FGFR1OP2: variants seen among roughly 807,000 people sequenced by gnomAD.
The protein encoded by FGFR1OP2 is fibroblast growth factor receptor 1 oncogene partner 2.
FGFR1OP2 carries 17 observed loss-of-function variants against 35.2 expected under a neutral mutation model. That is an observed-to-expected ratio of 0.48 (90% confidence interval 0.33 to 0.73). The LOEUF (loss-of-function observed/expected upper bound fraction) is 0.73. Among genes scored for constraint, FGFR1OP2 ranks in the 30% least tolerant of loss-of-function variants. The probability of loss-of-function intolerance (pLI) is 0.02; values close to 1 mark genes in which losing one functional copy is unlikely to be tolerated. For synonymous variants in FGFR1OP2, 105 were observed against 104.6 expected, an observed-to-expected ratio of 1.00 and a Z score of -0.03; for missense variants, 251 against 307.3, an observed-to-expected ratio of 0.82 and a Z score of 1.37.
Position 26,941,096 on chromosome 12 carries a change from A to C in FGFR1OP2, c.-15+2386A>C, listed in dbSNP as rs559584456. 1.2e-3 allele frequency among the ~76,000 whole-genome samples: 178 copies of C among 152,222 alleles called. 1 individual carries two copies. Among genetic ancestry groups the C allele is most frequent in the African/African-American group, 4.3e-3 (177 of 41,534 alleles). ...ATGTGACTAATGCAGAAAAGAAAAAAAAATTTTTTAACTTGCTAAAAAAAA... is the reference window on the plus strand; with the variant it reads ...ATGTGACTAATGCAGAAAAGAAAAACAAATTTTTTAACTTGCTAAAAAAAA... On this transcript the variant is annotated intron_variant, in intron 1 of 6. Transcript: ENST00000229395.
intron 6 of FGFR1OP2, 110 bp from the exon 7 acceptor site, chr12:26,964,486 C>G: frequency 1.2e-5 from 15 of 1,206,834 alleles, no homozygotes; most frequent in Non-Finnish European, 1.6e-5. Context: ...AATTACAGAC[C>G]TTGCTTGTTT....
intron 1 of FGFR1OP2, among the ~76,000 whole-genome samples, chr12:26,948,211 A>G (rs963701405): frequency 6.6e-6 from 1 of 152,216 alleles, no homozygotes; most frequent in African/African-American, 2.4e-5. Context: ...ATTTAAAAGA[A>G]CTAAGAGGAA....
chr12:26,940,047 A>C lies in FGFR1OP2; in HGVS notation c.-15+1337A>C, dbSNP rs908892040. On this transcript the variant is annotated intron_variant, in intron 1 of 6. Coordinates refer to ENST00000229395, the MANE Select transcript of FGFR1OP2 (RefSeq NM_015633.3). The stretch of plus-strand genomic sequence containing the variant: ...ATGACAGAAAACTACTATGCTTTTA[A>C]ATGATTTTGTATTTTATTTTTACAG... 3.3e-5 allele frequency among the ~76,000 whole-genome samples: 5 copies of C among 152,220 alleles called. No individual in the cohort carries two copies. In the South Asian group the frequency reaches 1.0e-3, roughly 32 times the overall value.
chr12:26,955,517 A>G (rs1286704847), intron 2 of FGFR1OP2, among the ~76,000 whole-genome samples: 1 of 152,176 alleles, frequency 6.6e-6, no homozygotes, highest in Non-Finnish European at 1.5e-5. Flanking sequence ...GCAACCACTA[A>G]TATTTCTATC....
chr12:26,961,345 A>G (rs1435246831), intron 5 of FGFR1OP2: 1 of 152,200 alleles, frequency 6.6e-6, no homozygotes, highest in Non-Finnish European at 1.5e-5. Context: ...GACCTTTTAT[A>G]AAAGTGCTGC....
intron 4 of FGFR1OP2, among the ~76,000 whole-genome samples, chr12:26,959,341 T>C (rs904113624): frequency 1.3e-5 from 2 of 152,130 alleles, no homozygotes; most frequent in Non-Finnish European, 2.9e-5. Context: ...TAATAATAAC[T>C]ATAGTAACTA....
chr12:26,938,802 C>G (rs1238661422), intron 1 of FGFR1OP2, 92 bp downstream of exon 1: 1 of 152,214 alleles, frequency 6.6e-6, no homozygotes, highest in African/African-American at 2.4e-5. Context: ...CGGTGCCTTG[C>G]GCCTCTTGAA....
Position 26,964,697 on chromosome 12 carries a change from A to G in FGFR1OP2, c.726A>G (p.Leu242=). The G allele has an allele frequency of 6.2e-7, 1 of 1,611,490 alleles. No homozygotes were observed. Among genetic ancestry groups the G allele is most frequent in the Non-Finnish European group, 8.5e-7 (1 of 1,179,300 alleles). ...CGGAAAGTACTTCTTTGTCAGCATT[A>G]GTGACCAACAGTGATTTGAGTCTGA... ...DASESTSLSA[L]VTNSDLSLRK... Residue 242 remains leucine, a synonymous_variant, in exon 7 of 7, where the codon TTA becomes TTG. Transcript: ENST00000229395.
Position 26,964,608 on chromosome 12 carries a change from G to A in FGFR1OP2, c.637G>A (p.Gly213Ser). ...GCTTGCCTTTTAGCAAGAAAACAAA[G>A]GCTTGAGAGAGATCCTTCAAATAAC... is the stretch of plus-strand genomic sequence containing the variant. ...RIFQLEQENK[G>S]LREILQITRE... Residue 213 changes from glycine to serine, a missense_variant, in exon 7 of 7, where the codon GGC becomes AGC. Coordinates refer to ENST00000229395, the MANE Select transcript of FGFR1OP2 (RefSeq NM_015633.3). The A allele has an allele frequency of 1.2e-6, 2 of 1,612,288 alleles. No individual in the cohort carries two copies. Among genetic ancestry groups the A allele is most frequent in the Non-Finnish European group, 1.7e-6 (2 of 1,178,866 alleles).
chr12:26,964,512 G>A (rs1939146053), intron 6 of FGFR1OP2, 84 bp from the exon 7 acceptor site: 3 of 1,470,274 alleles, frequency 2.0e-6, no homozygotes, highest in African/African-American at 1.4e-5. Flanking sequence ...ACCTTCATAT[G>A]TTCAGTTTTT....
chr12:26,942,216 A>G (rs942417462), intron 1 of FGFR1OP2, among the ~76,000 whole-genome samples: 3 of 152,064 alleles, frequency 2.0e-5, no homozygotes, highest in East Asian at 1.9e-4. Flanking sequence ...CATTTTTAGT[A>G]CAGACAGGGT....
At chr12:26,964,532 T>C (rs1939146304) in intron 6 of FGFR1OP2, 64 bp from the exon 7 acceptor site, 3 of 1,553,748 alleles carry the variant, frequency 1.9e-6, no homozygotes, top group Non-Finnish European at 2.6e-6. Flanking sequence ...TCCTAACATA[T>C]GTTTGTGATG....
intron 1 of FGFR1OP2, among the ~76,000 whole-genome samples, chr12:26,946,435 C>T (rs1237191277): frequency 6.6e-6 from 1 of 152,174 alleles, no homozygotes; most frequent in African/African-American, 2.4e-5. Flanking sequence ...CTCCACCTCC[C>T]AGCTAGCTGC....
intron 5 of FGFR1OP2, chr12:26,962,093 A>G (rs1456903318): frequency 6.6e-6 from 1 of 152,204 alleles, no homozygotes; most frequent in Non-Finnish European, 1.5e-5. Context: ...GCTGTTGAGC[A>G]CTTGCAGTGT....
chr12:26,952,422 C>G (rs1938947447), intron 1 of FGFR1OP2, among the ~76,000 whole-genome samples: 1 of 152,088 alleles, frequency 6.6e-6, no homozygotes, highest in South Asian at 2.1e-4. Flanking sequence ...CTCATATTTT[C>G]AAGCATCCTT....
intron 1 of FGFR1OP2, among the ~76,000 whole-genome samples, chr12:26,950,315 C>T (rs557346032): frequency 8.0e-5 from 12 of 149,184 alleles, no homozygotes; most frequent in South Asian, 2.1e-4. Context: ...CTCCGCCTCC[C>T]GGGTTCACGC....
chr12:26,958,609 A>G (rs74368859), intron 4 of FGFR1OP2, among the ~76,000 whole-genome samples: 10,108 of 152,260 alleles, frequency 0.066, 451 homozygotes, highest in East Asian at 0.2. Flanking sequence ...CCCTTGCCCC[A>G]GTATTGTATA....
chr12:26,955,829 A>G (rs2136356734), intron 2 of FGFR1OP2, among the ~76,000 whole-genome samples: 1 of 152,308 alleles, frequency 6.6e-6, no homozygotes, highest in South Asian at 2.1e-4. Context: ...TTTCTTGGGT[A>G]TATATGTAGA....
chr12:26,960,764 A>G, intron 5 of FGFR1OP2, 136 bp downstream of exon 5: 1 of 1,342,506 alleles, frequency 7.4e-7, no homozygotes, highest in Non-Finnish European at 9.8e-7. Flanking sequence ...TTGTGTCTTT[A>G]ATAGCCATGC....
Sources: gnomAD v4.1 joint callset for allele counts (sites outside exome capture counted in the v4.1 genomes callset) on GRCh38, gnomAD v4.1.1 for gene constraint, MANE v1.5 for transcripts, NCBI Gene and HGNC (gene_info 2026-07-23, HGNC 2026-07-21) for gene names.